ROBO1: variants seen among roughly 807,000 people sequenced by gnomAD.
The protein encoded by ROBO1 is roundabout homolog 1.
ROBO1 carries 149 observed loss-of-function variants against 195.9 expected under a neutral mutation model. The ratio of observed to expected loss-of-function variants is 0.76; its 90% confidence interval spans 0.67 to 0.87. The LOEUF (loss-of-function observed/expected upper bound fraction) is 0.87, where lower values mean the gene tolerates loss of function less well. Among genes scored for constraint, ROBO1 ranks in the 40% least tolerant of loss-of-function variants. The pLI is 0.00. For missense variants in ROBO1, 1,933 were observed against 2,068.3 expected (o/e 0.93, Z 1.27); for synonymous variants, 816 against 733.2 (o/e 1.11, Z -1.82).
At chr3:79,432,655 T>C (rs528167513) in intron 2 of ROBO1, among the ~76,000 whole-genome samples, 1 of 152,076 alleles carries the variant, frequency 6.6e-6, no homozygotes, top group African/African-American at 2.4e-5. Flanking sequence ...AAGAGAGAGA[T>C]AGAGAGCAAG....
rs1041377595 is a variant in ROBO1, at chr3:78,597,599, AG to A, written c.*1313del. On this transcript the variant is annotated 3_prime_UTR_variant, in exon 31 of 31. Coordinates refer to ENST00000464233, the MANE Select transcript of ROBO1 (RefSeq NM_002941.4). Reference sequence around the variant, plus strand: ...AATGATATTCATAAAATGACAAAAAAGGATCATAGAAATCTACTAGTCAGAG... The same window carrying A: ...AATGATATTCATAAAATGACAAAAAAGATCATAGAAATCTACTAGTCAGAG... 6.6e-6 allele frequency: 1 copy of A among 152,354 alleles called. No individual in the cohort carries two copies. Among genetic ancestry groups the A allele is most frequent in the African/African-American group, 2.4e-5 (1 of 41,446 alleles). The allele number at this position is 152,354 out of a possible 1,614,324, so 9.4% of individuals were successfully genotyped here. A position where few individuals can be genotyped will look rare whatever the true frequency, so the allele number is the denominator to read the frequency against.
chr3:79,521,864 G>A (rs1247113404), intron 2 of ROBO1, among the ~76,000 whole-genome samples: 1 of 152,032 alleles, frequency 6.6e-6, no homozygotes, highest in Non-Finnish European at 1.5e-5. Context: ...TACCTTGAAT[G>A]TGCCTTGGAT....
At chr3:78,647,525 T>C (rs1310399285) in intron 20 of ROBO1, 104 bp downstream of exon 20, 12 of 1,114,854 alleles carry the variant, frequency 1.1e-5, no homozygotes, top group Non-Finnish European at 1.6e-5. Context: ...CTTTAAGTTC[T>C]TTCCCCCAAC....
intron 4 of ROBO1, among the ~76,000 whole-genome samples, chr3:78,783,054 T>G (rs1576156908): frequency 6.6e-6 from 1 of 152,248 alleles, no homozygotes; most frequent in South Asian, 2.1e-4. Context: ...AGATTTTTGT[T>G]TATTTATTTA....
intron 3 of ROBO1, among the ~76,000 whole-genome samples, chr3:78,965,250 A>G: frequency 6.6e-6 from 1 of 152,176 alleles, no homozygotes; most frequent in East Asian, 1.9e-4. Flanking sequence ...CAATACATTT[A>G]GGAAAATTCT....
chr3:78,918,742 G>T (rs479956), intron 4 of ROBO1, among the ~76,000 whole-genome samples: 54,451 of 151,816 alleles, frequency 0.36, 10,122 homozygotes, highest in Middle Eastern at 0.46. Context: ...AAGGTACCCA[G>T]GAAGTTAAGT....
intron 4 of ROBO1, among the ~76,000 whole-genome samples, chr3:78,785,673 C>T (rs181176392): frequency 1.3e-5 from 2 of 152,266 alleles, no homozygotes; most frequent in East Asian, 1.9e-4. Context: ...TCAAGATTCA[C>T]ATGATTCCAA....
chr3:79,599,477 G>A (rs914685074), intron 1 of ROBO1, among the ~76,000 whole-genome samples: 1 of 152,050 alleles, frequency 6.6e-6, no homozygotes, highest in African/African-American at 2.4e-5. Flanking sequence ...TGATGAAAAA[G>A]CAGCTATGTA....
At chr3:79,485,635 T>A (rs1939119028) in intron 2 of ROBO1, among the ~76,000 whole-genome samples, 1 of 152,142 alleles carries the variant, frequency 6.6e-6, no homozygotes, top group African/African-American at 2.4e-5. Context: ...TTAAAATTAT[T>A]AACTCATTTA....
At chr3:79,520,672 T>A (rs1194034010) in intron 2 of ROBO1, among the ~76,000 whole-genome samples, 1 of 152,138 alleles carries the variant, frequency 6.6e-6, no homozygotes, top group African/African-American at 2.4e-5. Flanking sequence ...ATGCAAACTA[T>A]AACAGAGATT....
chr3:79,520,816 C>G (rs2107577698), intron 2 of ROBO1, among the ~76,000 whole-genome samples: 1 of 151,212 alleles, frequency 6.6e-6, no homozygotes, highest in African/African-American at 2.4e-5. Flanking sequence ...TTTTGAAACA[C>G]TAACCTAGAA....
At chr3:79,113,780 A>G (rs1559669335) in intron 3 of ROBO1, among the ~76,000 whole-genome samples, 1 of 152,106 alleles carries the variant, frequency 6.6e-6, no homozygotes. Flanking sequence ...AAAAAAGTCA[A>G]TTTTAAAGAC....
intron 2 of ROBO1, among the ~76,000 whole-genome samples, chr3:79,176,377 T>C (rs1235926160): frequency 6.6e-6 from 1 of 152,236 alleles, no homozygotes; most frequent in Non-Finnish European, 1.5e-5. Flanking sequence ...TCATATTTTG[T>C]CATCAAAATC....
At chr3:79,383,802 C>A (rs772257779) in intron 2 of ROBO1, among the ~76,000 whole-genome samples, 1 of 151,930 alleles carries the variant, frequency 6.6e-6, no homozygotes, top group Non-Finnish European at 1.5e-5. Context: ...GAATTGCCAG[C>A]GTAGATGTCT....
At chr3:78,967,385 T>A (rs2076671024) in intron 3 of ROBO1, among the ~76,000 whole-genome samples, 1 of 137,750 alleles carries the variant, frequency 7.3e-6, no homozygotes, top group African/African-American at 2.7e-5. Flanking sequence ...CAACCCCTAT[T>A]CCTACAATTC....
intron 21 of ROBO1, among the ~76,000 whole-genome samples, chr3:78,645,932 T>C (rs1056799202): frequency 1.3e-4 from 20 of 152,096 alleles, no homozygotes; most frequent in African/African-American, 4.6e-4. Context: ...GTCCTCCCTC[T>C]AGTGGTCACT....
At chr3:78,740,781 T>C (rs2082512742) in intron 5 of ROBO1, among the ~76,000 whole-genome samples, 1 of 152,104 alleles carries the variant, frequency 6.6e-6, no homozygotes, top group South Asian at 2.1e-4. Context: ...CAAAAGGAAC[T>C]TTTTTCAATT....
At chr3:79,340,160 C>T (rs2034850794) in intron 2 of ROBO1, among the ~76,000 whole-genome samples, 1 of 152,246 alleles carries the variant, frequency 6.6e-6, no homozygotes, top group East Asian at 1.9e-4. Context: ...GCTGGCCTTT[C>T]CCCATCACCT....
intron 3 of ROBO1, among the ~76,000 whole-genome samples, chr3:79,029,292 T>A (rs191515104): frequency 9.7e-4 from 148 of 152,156 alleles, no homozygotes; most frequent in African/African-American, 3.4e-3. Context: ...AAAATTAAAA[T>A]AATTTTTAAA....
Sources: allele counts gnomAD v4.1 joint callset (sites outside exome capture counted in the v4.1 genomes callset), GRCh38; gene constraint gnomAD v4.1.1; transcripts MANE v1.5; gene names NCBI Gene and HGNC (gene_info 2026-07-23, HGNC 2026-07-21).